GALNTL6: variants seen among roughly 807,000 people sequenced by gnomAD.
GALNTL6 encodes the protein polypeptide N-acetylgalactosaminyltransferase-like 6.
A neutral mutation model predicts 73.7 loss-of-function variants in GALNTL6; 46 were observed. The observed-to-expected ratio is 0.62, with a 90% CI of 0.49 to 0.80. The LOEUF (loss-of-function observed/expected upper bound fraction) is 0.80, where lower values mean the gene tolerates loss of function less well. GALNTL6 is among the 30% of genes least tolerant of loss of function. The probability of loss-of-function intolerance (pLI) is 0.00; values close to 1 mark genes in which losing one functional copy is unlikely to be tolerated. For synonymous variants in GALNTL6, 259 were observed against 263.7 expected, an observed-to-expected ratio of 0.98 and a Z score of 0.17; for missense variants, 604 against 755.0, an observed-to-expected ratio of 0.80 and a Z score of 2.34.
intron 3 of GALNTL6, among the ~76,000 whole-genome samples, chr4:172,290,300 C>A (rs753303269): frequency 2.0e-5 from 3 of 152,116 alleles, no homozygotes; most frequent in Non-Finnish European, 2.9e-5. Flanking sequence ...TGAGACCGAA[C>A]CATATTTGCT....
intron 2 of GALNTL6, among the ~76,000 whole-genome samples, chr4:171,821,713 G>GT (rs548948413): frequency 1.6e-4 from 24 of 150,602 alleles, no homozygotes; most frequent in South Asian, 6.3e-4. Context: ...CTTTACCAAG[G>GT]TAATTAGTGT....
intron 2 of GALNTL6, among the ~76,000 whole-genome samples, chr4:172,122,395 C>T (rs1052791403): frequency 1.2e-4 from 19 of 152,112 alleles, no homozygotes; most frequent in Non-Finnish European, 2.6e-4. Flanking sequence ...ACTTATCATT[C>T]TAGTTTGCAG....
At chr4:172,826,643 G>C (rs908255009) in intron 7 of GALNTL6, among the ~76,000 whole-genome samples, 2 of 152,164 alleles carry the variant, frequency 1.3e-5, no homozygotes, top group African/African-American at 4.8e-5. Context: ...TGTGGGGATG[G>C]GGGGAACGGG....
At chr4:172,606,595 C>T (rs1465395705) in intron 5 of GALNTL6, among the ~76,000 whole-genome samples, 1 of 126,600 alleles carries the variant, frequency 7.9e-6, no homozygotes, top group Non-Finnish European at 1.6e-5. Flanking sequence ...TATATATACA[C>T]ATATATACAT....
At chr4:172,100,070 A>G (rs912284792) in intron 2 of GALNTL6, among the ~76,000 whole-genome samples, 1 of 152,156 alleles carries the variant, frequency 6.6e-6, no homozygotes, top group Admixed American at 6.5e-5. Context: ...CTAATTTTTT[A>G]TCATCATTTA....
chr4:171,993,443 C>T (rs991477293), intron 2 of GALNTL6, among the ~76,000 whole-genome samples: 5 of 152,066 alleles, frequency 3.3e-5, no homozygotes, highest in South Asian at 2.1e-4. Context: ...CTAAGGACAA[C>T]GGAGCTGTGT....
intron 7 of GALNTL6, among the ~76,000 whole-genome samples, chr4:172,876,734 CTG>C (rs1265487290): frequency 6.6e-6 from 1 of 152,140 alleles, no homozygotes; most frequent in Non-Finnish European, 1.5e-5. Flanking sequence ...ATGAATGTAT[CTG>C]TAGTTATTTA....
chr4:172,368,210 C>G (rs909665130), intron 5 of GALNTL6, among the ~76,000 whole-genome samples: 1 of 152,024 alleles, frequency 6.6e-6, no homozygotes, highest in Non-Finnish European at 1.5e-5. Context: ...AAAACTCCGT[C>G]TCTACTAAAA....
intron 5 of GALNTL6, among the ~76,000 whole-genome samples, chr4:172,452,688 TAA>T (rs1732255626): frequency 6.6e-6 from 1 of 152,236 alleles, no homozygotes; most frequent in Admixed American, 6.5e-5. Flanking sequence ...AGCTTTGTTT[TAA>T]AAAGTTTACA....
chr4:172,342,449 T>A (rs1741601760), intron 4 of GALNTL6, among the ~76,000 whole-genome samples: 1 of 152,192 alleles, frequency 6.6e-6, no homozygotes, highest in Admixed American at 6.5e-5. Context: ...CAGTGCCTCA[T>A]CATTGTATCA....
At chr4:172,761,577 G>T (rs1211107478) in intron 5 of GALNTL6, among the ~76,000 whole-genome samples, 1 of 152,136 alleles carries the variant, frequency 6.6e-6, no homozygotes, top group South Asian at 2.1e-4. Flanking sequence ...GGATTATGGG[G>T]ATGGATTTTC....
chr4:172,695,655 A>C (rs2111271238), intron 5 of GALNTL6, among the ~76,000 whole-genome samples: 1 of 152,094 alleles, frequency 6.6e-6, no homozygotes, highest in Admixed American at 6.5e-5. Context: ...TTTTCTCTTC[A>C]AGAAATTGTA....
chr4:172,627,588 A>G (rs987355299), intron 5 of GALNTL6, among the ~76,000 whole-genome samples: 1 of 148,428 alleles, frequency 6.7e-6, no homozygotes, highest in African/African-American at 2.5e-5. Context: ...TCTTCTTTGT[A>G]TGTCTGGTAG....
chr4:172,698,155 C>A (rs1733802889), intron 5 of GALNTL6, among the ~76,000 whole-genome samples: 1 of 151,958 alleles, frequency 6.6e-6, no homozygotes, highest in South Asian at 2.1e-4. Flanking sequence ...TTGAGAAACT[C>A]CTCCCCATTT....
At chr4:172,617,901 T>G (rs1028588193) in intron 5 of GALNTL6, among the ~76,000 whole-genome samples, 4 of 152,190 alleles carry the variant, frequency 2.6e-5, no homozygotes, top group African/African-American at 9.7e-5. Flanking sequence ...TATTATAATG[T>G]GACAATGTAC....
intron 5 of GALNTL6, among the ~76,000 whole-genome samples, chr4:172,420,991 C>A (rs1283860092): frequency 6.6e-6 from 1 of 151,692 alleles, no homozygotes; most frequent in East Asian, 1.9e-4. Flanking sequence ...GGAGGGGAAC[C>A]AGGGCCTGTC....
At chr4:172,328,227 C>T (rs1741009595) in intron 4 of GALNTL6, among the ~76,000 whole-genome samples, 1 of 152,100 alleles carries the variant, frequency 6.6e-6, no homozygotes, top group Non-Finnish European at 1.5e-5. Flanking sequence ...CCAATCTCTT[C>T]TTTCTTGTAG....
chr4:172,809,351 T>G lies in GALNTL6; in HGVS notation c.554-10T>G. The stretch of plus-strand genomic sequence containing the variant: ...GCGTTTTTTCTATGCATTCTCTACT[T>G]CCTACCTAGAACACCTGAAGGATAA... On this transcript the variant is annotated splice_polypyrimidine_tract_variant and intron_variant, in intron 5 of 12. Transcript: ENST00000506823. The surrounding 1 kb of genome is among the most constrained non-coding windows in gnomAD (Gnocchi z 4.4). 1 of 1,612,116 alleles carries G rather than the reference T, an allele frequency of 6.2e-7. No homozygotes were observed. Among genetic ancestry groups the G allele is most frequent in the South Asian group, 1.1e-5 (1 of 90,808 alleles).
intron 5 of GALNTL6, among the ~76,000 whole-genome samples, chr4:172,541,374 T>C (rs544935977): frequency 1.3e-5 from 2 of 152,304 alleles, no homozygotes; most frequent in African/African-American, 4.8e-5. Context: ...TGGCAGAACA[T>C]ATGAGAGTCA....
Sources: gnomAD v4.1 joint callset for allele counts (sites outside exome capture counted in the v4.1 genomes callset) on GRCh38, gnomAD v4.1.1 for gene constraint, Gnocchi (gnomAD v3.1) non-coding constraint, MANE v1.5 for transcripts, NCBI Gene and HGNC (gene_info 2026-07-23, HGNC 2026-07-21) for gene names.